Variants in DNAH12 observed in about 807,000 individuals in gnomAD.
The protein encoded by DNAH12 is dynein axonemal heavy chain 12, also known as axonemal beta dynein heavy chain 12.
Under a neutral mutation model 371.5 loss-of-function variants are expected in DNAH12, and 285 were observed. The ratio of observed to expected loss-of-function variants is 0.77; its 90% CI spans 0.70 to 0.85. The LOEUF (loss-of-function observed/expected upper bound fraction) is 0.85, where lower values mean the gene tolerates loss of function less well. DNAH12 is among the 40% of genes least tolerant of loss of function. DNAH12 has a pLI of 0.00. For synonymous variants in DNAH12, 1,200 were observed against 1,213.0 expected (o/e 0.99, Z 0.22); for missense variants, 3,611 against 3,689.4 (o/e 0.98, Z 0.55).
chr3:57,506,740 C>A (rs927606293), intron 8 of DNAH12, among the ~76,000 whole-genome samples: 1 of 152,114 alleles, frequency 6.6e-6, no homozygotes, highest in African/African-American at 2.4e-5. Flanking sequence ...CCGTGCCCAG[C>A]CTCAGGGTGA....
rs1387543345 is a variant in DNAH12 at position 57,420,711 on chromosome 3, C to T, written c.5562+807G>A. Among the ~76,000 whole-genome samples, 3 of 151,852 alleles carry T rather than the reference C, an allele frequency of 2.0e-5. No individual in the cohort carries two copies. In the East Asian group the frequency reaches 5.8e-4, roughly 29 times the overall value. ...GATCACGAGGTCAGGAGACTGAGACCATCCTGGCTAACACGGTGAAACCCC... is the reference window on the plus strand; with the variant it reads ...GATCACGAGGTCAGGAGACTGAGACTATCCTGGCTAACACGGTGAAACCCC... On this transcript the variant is annotated intron_variant, in intron 36 of 73. Coordinates refer to ENST00000495027, the MANE Select transcript of DNAH12 (RefSeq NM_001366028.2).
chr3:57,405,275 C>T, intron 41 of DNAH12, 128 bp from the exon 42 acceptor site: 1 of 754,554 alleles, frequency 1.3e-6, no homozygotes, highest in Non-Finnish European at 2.0e-6. Flanking sequence ...GTAAAAAATG[C>T]ACTTATAAAA....
chr3:57,329,776 A>G (rs1231384075), intron 62 of DNAH12, among the ~76,000 whole-genome samples: 7 of 151,964 alleles, frequency 4.6e-5, no homozygotes, highest in Non-Finnish European at 1.0e-4. Context: ...TGAACAGGCA[A>G]CCCACAAAAT....
chr3:57,444,154 T>C (rs560939231), intron 29 of DNAH12, among the ~76,000 whole-genome samples: 2 of 152,098 alleles, frequency 1.3e-5, no homozygotes, highest in East Asian at 1.9e-4. Context: ...TGGGCTGCGA[T>C]TGCACCATTG....
the DNAH12 span, among the ~76,000 whole-genome samples, chr3:57,551,600 A>C: frequency 6.6e-6 from 1 of 152,180 alleles, no homozygotes; most frequent in African/African-American, 2.4e-5. Context: ...CAGTAGTTTT[A>C]ATTACATATA....
At chr3:57,493,365 A>G (rs2067197376) in intron 11 of DNAH12, among the ~76,000 whole-genome samples, 1 of 152,208 alleles carries the variant, frequency 6.6e-6, no homozygotes, top group African/African-American at 2.4e-5. Context: ...AGGTATTAGA[A>G]GTAATCTAGA....
intron 2 of DNAH12, among the ~76,000 whole-genome samples, chr3:57,532,118 A>G (rs2068870847): frequency 6.6e-6 from 1 of 152,160 alleles, no homozygotes; most frequent in Non-Finnish European, 1.5e-5. Flanking sequence ...TAAAACTGCT[A>G]TTAAAAGAAC....
chr3:57,412,106 A>C (rs2064226622), intron 39 of DNAH12, among the ~76,000 whole-genome samples: 1 of 152,210 alleles, frequency 6.6e-6, no homozygotes, highest in Non-Finnish European at 1.5e-5. Flanking sequence ...GCTGCTGGGC[A>C]CAGTGGCTCA....
At chr3:57,294,249 T>C (rs1222271553) in intron 73 of DNAH12, among the ~76,000 whole-genome samples, 2 of 149,888 alleles carry the variant, frequency 1.3e-5, no homozygotes, top group Non-Finnish European at 3.0e-5. Flanking sequence ...CAATCTCGGC[T>C]CACTGCAACC....
At chr3:57,403,922 T>C (rs2153352511) in intron 42 of DNAH12, among the ~76,000 whole-genome samples, 1 of 152,296 alleles carries the variant, frequency 6.6e-6, no homozygotes, top group African/African-American at 2.4e-5. Flanking sequence ...AAAATGATAA[T>C]GAGATACCAT....
At chr3:57,343,188 G>A (rs1342500048) in intron 60 of DNAH12, among the ~76,000 whole-genome samples, 2 of 152,090 alleles carry the variant, frequency 1.3e-5, no homozygotes, top group African/African-American at 2.4e-5. Flanking sequence ...GGAAATTGTG[G>A]GGAAAAGAAA....
At chr3:57,369,217 A>G (rs2063114916) in intron 55 of DNAH12, among the ~76,000 whole-genome samples, 3 of 48,114 alleles carry the variant, frequency 6.2e-5, no homozygotes, top group Non-Finnish European at 2.3e-4. Flanking sequence ...TTGAAACTCC[A>G]TTAAAAAAAA....
chr3:57,453,838 T>G (rs1302655975), intron 23 of DNAH12, among the ~76,000 whole-genome samples: 1 of 152,108 alleles, frequency 6.6e-6, no homozygotes, highest in Non-Finnish European at 1.5e-5. Context: ...TCTCCCAAAG[T>G]GCTAGGATTA....
At chr3:57,447,900 C>A (rs1403163917) in intron 25 of DNAH12, among the ~76,000 whole-genome samples, 1 of 152,174 alleles carries the variant, frequency 6.6e-6, no homozygotes, top group African/African-American at 2.4e-5. Context: ...GTCTCAAACT[C>A]CTGAGCTCAA....
chr3:57,498,290 G>A (rs934279899), intron 11 of DNAH12: 1 of 557,596 alleles, frequency 1.8e-6, no homozygotes, highest in African/African-American at 1.9e-5. Context: ...GATTGTAAAT[G>A]GTATAACAAC....
intron 15 of DNAH12, among the ~76,000 whole-genome samples, chr3:57,471,214 C>A (rs921514217): frequency 1.3e-5 from 2 of 151,708 alleles, no homozygotes; most frequent in African/African-American, 4.8e-5. Flanking sequence ...ATTAGCCGGG[C>A]ATGGTGGCAC....
At chr3:57,510,531 T>G (rs184006545) in intron 5 of DNAH12, among the ~76,000 whole-genome samples, 1 of 152,048 alleles carries the variant, frequency 6.6e-6, no homozygotes, top group Non-Finnish European at 1.5e-5. Flanking sequence ...TTCCAGGTAC[T>G]CGGGAGGCTG....
intron 65 of DNAH12, 55 bp from the exon 66 acceptor site, chr3:57,314,686 T>TA (rs1233714233): frequency 1.4e-6 from 2 of 1,479,032 alleles, no homozygotes; most frequent in Non-Finnish European, 1.8e-6. Context: ...ATTCCATCAG[T>TA]AAAATGAGAG....
intron 29 of DNAH12, among the ~76,000 whole-genome samples, chr3:57,443,541 ATT>A (rs1208032379): frequency 1.3e-5 from 2 of 152,226 alleles, no homozygotes; most frequent in African/African-American, 2.4e-5. Context: ...TTTGTGTCTT[ATT>A]TTTGTTATTT....
Sources: gnomAD v4.1 joint callset for allele counts (sites outside exome capture counted in the v4.1 genomes callset) on GRCh38, gnomAD v4.1.1 for gene constraint, MANE v1.5 for transcripts, NCBI Gene and HGNC (gene_info 2026-07-23, HGNC 2026-07-21) for gene names.